The following NEK5 variants were observed in gnomAD, a reference collection of about 807,000 sequenced individuals.
NEK5 encodes NIMA related kinase 5, also known as serine/threonine-protein kinase Nek5.
In NEK5, 88 loss-of-function variants were observed where a neutral mutation model predicts 109.2. The observed-to-expected ratio is 0.81, with a 90% CI of 0.68 to 0.96. NEK5 has a LOEUF of 0.96. Among genes scored for constraint, NEK5 ranks in the 40% least tolerant of loss-of-function variants. NEK5 has a pLI of 0.00. For missense variants in NEK5, 834 were observed against 920.7 expected, an observed-to-expected ratio of 0.91 and a Z score of 1.22; for synonymous variants, 283 against 299.9, an observed-to-expected ratio of 0.94 and a Z score of 0.58.
chr13:52,109,248 A>G (rs1566813487), intron 7 of NEK5, among the ~76,000 whole-genome samples: 1 of 152,180 alleles, frequency 6.6e-6, no homozygotes. Context: ...AGTTCAGGCC[A>G]TGATGGGAAG....
intron 21 of NEK5, among the ~76,000 whole-genome samples, chr13:52,063,948 G>T (rs886999857): frequency 2.0e-5 from 3 of 150,072 alleles, no homozygotes; most frequent in Admixed American, 6.6e-5. Context: ...GGAGGGAGGT[G>T]GGGGGGTCAG....
intron 22 of NEK5, among the ~76,000 whole-genome samples, chr13:52,059,876 G>C (rs1394089494): frequency 6.6e-6 from 1 of 151,896 alleles, no homozygotes; most frequent in Non-Finnish European, 1.5e-5. Context: ...AGTGGGTGCA[G>C]CACACCAGCA....
intron 7 of NEK5, among the ~76,000 whole-genome samples, chr13:52,109,462 G>A (rs1194357455): frequency 1.3e-5 from 2 of 152,130 alleles, no homozygotes; most frequent in East Asian, 1.9e-4. Context: ...CCCAAATCAT[G>A]TTTCTTTGTC....
chr13:52,039,777 T>C (rs1954397819), intron 23 of NEK5, among the ~76,000 whole-genome samples: 2 of 152,208 alleles, frequency 1.3e-5, no homozygotes, highest in South Asian at 4.1e-4. Context: ...TTTCTATTCA[T>C]AGATTTTTTT....
chr13:52,061,370 C>T (rs1459992995), intron 22 of NEK5, among the ~76,000 whole-genome samples: 3 of 152,102 alleles, frequency 2.0e-5, no homozygotes, highest in Non-Finnish European at 2.9e-5. Context: ...TGGTCTGCGG[C>T]CCGAGGGTTG....
At position 52,108,317 on chromosome 13, in the gene NEK5, C is replaced by A. The variant is rs113910865; in HGVS notation, c.554+1G>T. ...TTTCAAACTAAGAGTCAGCAACTTA[C>A]GTTTTATTGTTGTAGGGTTTATTCT... is the stretch of plus-strand genomic sequence containing the variant. On this transcript the variant is annotated splice_donor_variant, in intron 8 of 23. Coordinates refer to ENST00000684899, the MANE Select transcript of NEK5 (RefSeq NM_001365552.1). LOFTEE classifies it high-confidence loss of function. 1.3e-6 allele frequency: 2 copies of A among 1,588,930 alleles called. No homozygotes were observed. Among genetic ancestry groups the A allele is most frequent in the Non-Finnish European group, 1.7e-6 (2 of 1,160,874 alleles).
chr13:52,102,444 T>C (rs1955559563), intron 9 of NEK5, 152 bp from the exon 10 acceptor site: 9 of 665,008 alleles, frequency 1.4e-5, no homozygotes, highest in South Asian at 1.8e-5. Flanking sequence ...TCCCAGCAAT[T>C]TGGGAGGCCA....
chr13:52,105,414 T>C (rs1229365030), intron 8 of NEK5, among the ~76,000 whole-genome samples: 2 of 152,060 alleles, frequency 1.3e-5, no homozygotes, highest in Admixed American at 1.3e-4. Flanking sequence ...TAACAAGGTT[T>C]CACCATGTTG....
intron 11 of NEK5, among the ~76,000 whole-genome samples, chr13:52,101,225 C>T (rs1290658319): frequency 3.3e-5 from 5 of 152,050 alleles, no homozygotes; most frequent in African/African-American, 4.8e-5. Context: ...AGTGAAACCT[C>T]GTCTCTACTA....
chr13:52,047,803 G>A (rs888017738), intron 23 of NEK5, among the ~76,000 whole-genome samples: 3 of 151,930 alleles, frequency 2.0e-5, no homozygotes, highest in Non-Finnish European at 4.4e-5. Context: ...TGATCATGCT[G>A]CCACACTCCA....
chr13:52,080,864 C>G (rs559424874), intron 17 of NEK5, among the ~76,000 whole-genome samples: 15 of 140,714 alleles, frequency 1.1e-4, no homozygotes, highest in African/African-American at 2.6e-4. Context: ...TACCCCTCTG[C>G]GAGAAACACC....
At position 52,108,342 on chromosome 13, in the gene NEK5, T is replaced by A; in HGVS notation, c.530A>T (p.Gln177Leu). Residue 177 changes from glutamine to leucine, a missense_variant, in exon 8 of 24, where the codon CAG (glutamine) becomes CTG (leucine). By Grantham distance (113) the Gln-to-Leu change is moderately radical (BLOSUM62 -2). Around this residue, in one of 2 missense-constraint regions of NEK5, gnomAD observed 777 missense variants for 824.7 expected, o/e 0.94. Coordinates refer to ENST00000684899, the MANE Select transcript of NEK5 (RefSeq NM_001365552.1). The part of the protein sequence containing the change: ...TPYYLSPEIC[Q>L]NKPYNNKTDI... ...CGTTTTATTGTTGTAGGGTTTATTC[T>A]GACAGATCTCTGGGGACAGGTAGTA... 1 of 1,611,556 alleles carries A rather than the reference T, an allele frequency of 6.2e-7. No individual in the cohort carries two copies.
intron 23 of NEK5, among the ~76,000 whole-genome samples, chr13:52,045,231 G>A (rs1485187198): frequency 2.8e-5 from 4 of 141,060 alleles, no homozygotes; most frequent in Admixed American, 7.8e-5. Flanking sequence ...CCCGGTTCAC[G>A]CCATTCTCCT....
At position 52,034,300 on chromosome 13, in the gene NEK5, G is replaced by A. The variant is rs1284825600; in HGVS notation, c.*2648C>T. 2 of 152,212 alleles carry A rather than the reference G, an allele frequency of 1.3e-5. No homozygotes were observed. Among genetic ancestry groups the A allele is most frequent in the African/African-American group, 4.8e-5 (2 of 41,460 alleles). 9.4% of individuals were successfully genotyped at this position (152,212 alleles called of 1,614,324 possible). On this transcript the variant is annotated 3_prime_UTR_variant, in exon 24 of 24. Transcript: ENST00000684899. ...TCAGGAACACGATTTAGCTAATAGTGTGTGTAAAATGGGTAAGGTCTAGAA... is the reference window on the plus strand; with the variant it reads ...TCAGGAACACGATTTAGCTAATAGTATGTGTAAAATGGGTAAGGTCTAGAA...
intron 9 of NEK5, 52 bp downstream of exon 9, chr13:52,104,446 C>A (rs1955608952): frequency 3.9e-6 from 5 of 1,289,404 alleles, no homozygotes; most frequent in Non-Finnish European, 5.6e-6. Context: ...AAGTTAATTT[C>A]TTTTCTACAA....
rs549781090 is a variant in NEK5 at position 52,103,183 on chromosome 13, C to T, written c.610-891G>A. 1.6e-4 allele frequency among the ~76,000 whole-genome samples: 24 copies of T among 152,328 alleles called. 1 individual carries two copies. Among genetic ancestry groups the T allele is most frequent in the South Asian group, 4.1e-4 (2 of 4,828 alleles). On this transcript the variant is annotated intron_variant, in intron 9 of 23. Transcript: ENST00000684899. ...GTGGCTCACGCCTGTAATCCCAGCACTCTGGGAGGCCAAGGTGGGCAGATC... is the reference window on the plus strand; with the variant it reads ...GTGGCTCACGCCTGTAATCCCAGCATTCTGGGAGGCCAAGGTGGGCAGATC...
chr13:52,093,968 G>T (rs1955351201), intron 12 of NEK5, among the ~76,000 whole-genome samples: 1 of 152,148 alleles, frequency 6.6e-6, no homozygotes, highest in South Asian at 2.1e-4. Flanking sequence ...TTTAGTTTCT[G>T]ATAAATTGAC....
At chr13:52,122,131 C>T (rs1955983809) in intron 3 of NEK5, among the ~76,000 whole-genome samples, 1 of 152,064 alleles carries the variant, frequency 6.6e-6, no homozygotes, top group African/African-American at 2.4e-5. Flanking sequence ...TAAAGGGAGG[C>T]AATGTAGTAT....
intron 17 of NEK5, among the ~76,000 whole-genome samples, chr13:52,080,255 G>C (rs1243131544): frequency 7.0e-6 from 1 of 142,028 alleles, no homozygotes; most frequent in African/African-American, 2.5e-5. Context: ...CGCCCCATCC[G>C]GGAGGGAGGT....
Sources: gnomAD v4.1 joint callset for allele counts (sites outside exome capture counted in the v4.1 genomes callset) on GRCh38, gnomAD v4.1.1 for gene constraint, gnomAD v4.1.1 regional missense constraint, MANE v1.5 for transcripts, NCBI Gene and HGNC (gene_info 2026-07-23, HGNC 2026-07-21) for gene names.